ANKRD26: variants seen among roughly 807,000 people sequenced by gnomAD.
ANKRD26 encodes ankyrin repeat domain-containing protein 26.
ANKRD26 carries 141 observed loss-of-function variants against 208.7 expected under a neutral mutation model. The observed-to-expected ratio is 0.68, with a 90% CI of 0.59 to 0.78. ANKRD26 has a LOEUF of 0.78. Ranked by LOEUF, ANKRD26 falls within the 30% of genes least tolerant of loss-of-function variation. The pLI is 0.00. For synonymous variants in ANKRD26, 636 were observed against 660.4 expected (o/e 0.96, Z 0.57); for missense variants, 1,889 against 1,938.7 (o/e 0.97, Z 0.48).
intron 22 of ANKRD26, 117 bp from the exon 23 acceptor site, chr10:27,037,440 G>T: frequency 9.0e-7 from 1 of 1,106,058 alleles, no homozygotes; most frequent in Non-Finnish European, 1.3e-6. Context: ...TAAAATGCAA[G>T]AACCTTTATT....
At chr10:27,061,856 T>G (rs1467777952) in intron 12 of ANKRD26, 5 of 892,810 alleles carry the variant, frequency 5.6e-6, no homozygotes, top group Non-Finnish European at 6.7e-6. Flanking sequence ...ACCACCAAGA[T>G]CAGTCCAAAG....
chr10:27,097,207 G>A (rs1045524349), intron 1 of ANKRD26, among the ~76,000 whole-genome samples: 6 of 151,820 alleles, frequency 4.0e-5, no homozygotes, highest in African/African-American at 1.5e-4. Flanking sequence ...CAGGCGCGGT[G>A]GCTCAAGCCT....
At chr10:27,088,168 C>T (rs191095163) in intron 4 of ANKRD26, among the ~76,000 whole-genome samples, 93 of 152,272 alleles carry the variant, frequency 6.1e-4, no homozygotes, top group South Asian at 1.2e-3. Flanking sequence ...CATATTTGCA[C>T]GTAACATCCC....
At chr10:27,033,883 C>G (rs1271400693) in intron 24 of ANKRD26, among the ~76,000 whole-genome samples, 1 of 152,148 alleles carries the variant, frequency 6.6e-6, no homozygotes, top group East Asian at 1.9e-4. Flanking sequence ...ACTTGCCTCC[C>G]TGACCTCGGC....
rs10443967 is a variant in ANKRD26 at position 27,086,439 on chromosome 10, C to G, written c.709+100G>C. The G allele has an allele frequency of 0.072, 107,738 of 1,487,478 alleles. 7,070 individuals are homozygous for G. Among genetic ancestry groups the G allele is most frequent in the East Asian group, 0.3 (12,570 of 42,396 alleles). 92.1% of individuals were successfully genotyped at this position (1,487,478 alleles called of 1,614,324 possible). Reference sequence around the variant, plus strand: ...AAAAAATACACATGCACCTTATACACTGATTTTTAAAACTGCTTTTCTGTG... The same window carrying G: ...AAAAAATACACATGCACCTTATACAGTGATTTTTAAAACTGCTTTTCTGTG... On this transcript the variant is annotated intron_variant, in intron 5 of 33. Transcript: ENST00000376087.
At chr10:27,098,784 C>G (rs945045581) in intron 1 of ANKRD26, among the ~76,000 whole-genome samples, 2 of 151,554 alleles carry the variant, frequency 1.3e-5, no homozygotes, top group African/African-American at 4.8e-5. Context: ...CTCCTGACCT[C>G]GTGATCCGCC....
In ANKRD26 at chr10:27,035,710, T is replaced by C; in HGVS notation, c.2740A>G (p.Asn914Asp). 1 of 1,607,394 alleles carries C rather than the reference T, an allele frequency of 6.2e-7. No homozygotes were observed. Among genetic ancestry groups the C allele is most frequent in the South Asian group, 1.1e-5 (1 of 89,980 alleles). Residue 914 changes from asparagine (N) to aspartate (D), a missense_variant, in exon 24 of 34, where the codon AAT (asparagine) becomes GAT (aspartate). Around this residue, in one of 3 missense-constraint regions of ANKRD26, gnomAD observed 1,272 missense variants for 1,273.8 expected, o/e 1.00. Transcript: ENST00000376087. Reference protein sequence around the residue: ...HEEEKDLSHKNSMLQEEIAML... With the variant: ...HEEEKDLSHKDSMLQEEIAML... ...GCAATTTCTTCCTGCAACATGCTATTTTTATGCGATAGGTCTTTTTCTTCT... is the reference window on the plus strand; with the variant it reads ...GCAATTTCTTCCTGCAACATGCTATCTTTATGCGATAGGTCTTTTTCTTCT...
At chr10:27,044,520 GT>G (rs764984446) in intron 18 of ANKRD26, among the ~76,000 whole-genome samples, 110 of 143,552 alleles carry the variant, frequency 7.7e-4, no homozygotes, top group Middle Eastern at 3.6e-3. Flanking sequence ...AATATACCAG[GT>G]TTTTTTTTTT....
chr10:26,996,037 G>C (rs1358138928), intron 4 of ANKRD26, among the ~76,000 whole-genome samples: 1 of 151,992 alleles, frequency 6.6e-6, no homozygotes, highest in Admixed American at 6.6e-5. Flanking sequence ...GAATTCTTGA[G>C]AAGGCACTGT....
intron 25 of ANKRD26, among the ~76,000 whole-genome samples, chr10:27,032,790 G>A (rs1291420308): frequency 6.6e-6 from 1 of 151,932 alleles, no homozygotes; most frequent in Non-Finnish European, 1.5e-5. Context: ...ACTCCAGCCT[G>A]GGCAACAGAG....
At chr10:27,052,456 A>C (rs186370172) in intron 16 of ANKRD26, among the ~76,000 whole-genome samples, 282 of 152,262 alleles carry the variant, frequency 1.9e-3, no homozygotes, top group African/African-American at 6.4e-3. Flanking sequence ...GAGCCCCTAC[A>C]GTGCATTTAA....
the ANKRD26 span, among the ~76,000 whole-genome samples, chr10:26,948,754 G>A: frequency 1.3e-5 from 2 of 152,154 alleles, no homozygotes; most frequent in African/African-American, 4.8e-5. Context: ...TTGGGAGGAC[G>A]AGGTGGGTGG....
At chr10:26,995,021 A>G in intron 5 of ANKRD26, 1 of 470,588 alleles carries the variant, frequency 2.1e-6, no homozygotes, top group Non-Finnish European at 4.4e-6. Context: ...TCCCCTCTTA[A>G]ATCAGACCCA....
exon 5 of ANKRD26, among the ~76,000 whole-genome samples, chr10:26,980,792 G>T (rs2052296072): frequency 6.6e-6 from 1 of 152,204 alleles, no homozygotes; most frequent in Non-Finnish European, 1.5e-5. Context: ...AGAGGAAACA[G>T]ATCTGGTCCA....
At chr10:27,058,371 G>A (rs1462576820) in intron 15 of ANKRD26, among the ~76,000 whole-genome samples, 1 of 152,050 alleles carries the variant, frequency 6.6e-6, no homozygotes, top group Non-Finnish European at 1.5e-5. Context: ...AGACTTTTTC[G>A]AAGCTAGGAT....
chr10:27,093,878 T>G (rs1264866145), intron 1 of ANKRD26, 79 bp from the exon 2 acceptor site: 1 of 1,140,346 alleles, frequency 8.8e-7, no homozygotes, highest in African/African-American at 1.5e-5. Context: ...TTATAAACAT[T>G]AAATAGCATG....
chr10:26,952,448 C>A, the ANKRD26 span, among the ~76,000 whole-genome samples: 1 of 147,938 alleles, frequency 6.8e-6, no homozygotes, highest in Non-Finnish European at 1.5e-5. Flanking sequence ...GTTTTGGGCA[C>A]CTTTTATCAA....
At chr10:27,024,010 A>AG (rs2053580046) in intron 28 of ANKRD26, among the ~76,000 whole-genome samples, 1 of 152,008 alleles carries the variant, frequency 6.6e-6, no homozygotes, top group African/African-American at 2.4e-5. Context: ...ACACACACAA[A>AG]GAGGCAGAAA....
chr10:26,968,987 T>A (rs1411357641), downstream of ANKRD26, among the ~76,000 whole-genome samples: 1 of 152,130 alleles, frequency 6.6e-6, no homozygotes, highest in Non-Finnish European at 1.5e-5. Context: ...CATCTGGGAG[T>A]AGGAAATCTC....
Sources: gnomAD v4.1 joint callset for allele counts (sites outside exome capture counted in the v4.1 genomes callset) on GRCh38, gnomAD v4.1.1 for gene constraint, gnomAD v4.1.1 regional missense constraint, MANE v1.5 for transcripts, NCBI Gene and HGNC (gene_info 2026-07-23, HGNC 2026-07-21) for gene names.